Variants in CACNA1D observed in about 807,000 individuals in gnomAD.
CACNA1D encodes voltage-dependent L-type calcium channel subunit alpha-1D.
Under a neutral mutation model 257.1 loss-of-function variants are expected in CACNA1D, and 55 were observed. The observed-to-expected ratio is 0.21, with a 90% confidence interval of 0.17 to 0.27. CACNA1D has a LOEUF of 0.27. CACNA1D is among the 10% of genes least tolerant of loss of function. The pLI is 1.00. For synonymous variants in CACNA1D, 980 were observed against 1,014.9 expected (o/e 0.97, Z 0.65); for missense variants, 1,876 against 2,784.0 (o/e 0.67, Z 7.34).
chr3:53,670,586 C>G (rs2094313122), intron 7 of CACNA1D, among the ~76,000 whole-genome samples: 2 of 152,184 alleles, frequency 1.3e-5, no homozygotes, highest in South Asian at 4.1e-4. Flanking sequence ...TCAGGGTGAT[C>G]CACCTGCCTT....
chr3:53,713,565 A>G (rs1203376621), intron 9 of CACNA1D, among the ~76,000 whole-genome samples: 7 of 150,582 alleles, frequency 4.6e-5, no homozygotes, highest in Non-Finnish European at 1.0e-4. Flanking sequence ...CTCCAAATTC[A>G]CAAGCCTGAC....
In CACNA1D at chr3:53,682,374, A is replaced by C. The variant is rs1021537404; in HGVS notation, c.1220+9248A>C. ...GAGGCTTTGTCTCTGGTAAAAAAAA[A>C]AAAAAAAAAAAAAAAAAAAAAACAG... On this transcript the variant is annotated intron_variant, in intron 8 of 47. Coordinates refer to ENST00000350061, the MANE Select transcript of CACNA1D (RefSeq NM_001128840.3). Among the ~76,000 whole-genome samples the C allele has an allele frequency of 3.1e-4, 28 of 89,364 alleles. 1 individual carries two copies. The highest frequency in any genetic ancestry group is 1.1e-3 in the African/African-American group (27 of 25,382). The allele number at this position is 89,364 out of a possible 152,430, so 58.6% of individuals were successfully genotyped here.
intron 9 of CACNA1D, among the ~76,000 whole-genome samples, chr3:53,710,805 C>A (rs1245188614): frequency 6.6e-6 from 1 of 152,094 alleles, no homozygotes; most frequent in South Asian, 2.1e-4. Flanking sequence ...AAATTTAAAC[C>A]GTTTAGAAAT....
At chr3:53,721,098 G>T (rs191123805) in intron 11 of CACNA1D, among the ~76,000 whole-genome samples, 1 of 152,228 alleles carries the variant, frequency 6.6e-6, no homozygotes, top group African/African-American at 2.4e-5. Flanking sequence ...CATCCTAGGA[G>T]AAACCCAGCT....
At chr3:53,646,966 G>A (rs1032510691) in intron 3 of CACNA1D, among the ~76,000 whole-genome samples, 1 of 152,200 alleles carries the variant, frequency 6.6e-6, no homozygotes, top group African/African-American at 2.4e-5. Context: ...ATTCTGTACA[G>A]CATTAACTGG....
chr3:53,559,048 G>A (rs2092693381), intron 3 of CACNA1D, among the ~76,000 whole-genome samples: 1 of 151,762 alleles, frequency 6.6e-6, no homozygotes, highest in Admixed American at 6.6e-5. Flanking sequence ...CTGAGCCTCT[G>A]CTTATTTTTA....
chr3:53,565,071 C>G (rs1248077938), intron 3 of CACNA1D, among the ~76,000 whole-genome samples: 1 of 152,160 alleles, frequency 6.6e-6, no homozygotes, highest in East Asian at 1.9e-4. Context: ...TACTTAAAGT[C>G]TAACCCTTTC....
chr3:53,691,164 G>T (rs1460117), intron 8 of CACNA1D, among the ~76,000 whole-genome samples: 9,888 of 125,928 alleles, frequency 0.079, 973 homozygotes, highest in African/African-American at 0.24. Flanking sequence ...TTTTTTTTTG[G>T]GGGGGAGATG....
rs1044329356 is a variant in CACNA1D, at chr3:53,811,553, A to G, written c.*147A>G. The stretch of plus-strand genomic sequence containing the variant: ...TTTGTATAAGAGATGTCATGCCTCA[A>G]GAAAGCCATAAACCTGGTAGGAACA... On this transcript the variant is annotated 3_prime_UTR_variant, in exon 48 of 48. Transcript: ENST00000350061. This position sits in a 1 kb window ranked among gnomAD's most constrained non-coding sequence, Gnocchi z 4.2. 2.9e-6 allele frequency: 2 copies of G among 679,604 alleles called. No individual in the cohort carries two copies. Among genetic ancestry groups the G allele is most frequent in the African/African-American group, 3.6e-5 (2 of 55,342 alleles). 42.1% of individuals were successfully genotyped at this position (679,604 alleles called of 1,614,324 possible).
chr3:53,551,586 G>A (rs1349562084), intron 3 of CACNA1D, among the ~76,000 whole-genome samples: 5 of 152,202 alleles, frequency 3.3e-5, no homozygotes, highest in African/African-American at 1.2e-4. Flanking sequence ...CTACCGTGGT[G>A]GATGCTGGGA....
At chr3:53,675,929 A>G (rs1237727782) in intron 8 of CACNA1D, among the ~76,000 whole-genome samples, 4 of 152,126 alleles carry the variant, frequency 2.6e-5, no homozygotes, top group African/African-American at 9.7e-5. Flanking sequence ...CTACTCCCCC[A>G]GAAGGCCTCC....
chr3:53,615,436 C>A (rs1002360222), intron 3 of CACNA1D, among the ~76,000 whole-genome samples: 1 of 152,206 alleles, frequency 6.6e-6, no homozygotes, highest in Non-Finnish European at 1.5e-5. Flanking sequence ...TTAACCCACC[C>A]TTTCCTGCCT....
chr3:53,715,484 C>T (rs1281655051), intron 9 of CACNA1D, among the ~76,000 whole-genome samples: 1 of 151,912 alleles, frequency 6.6e-6, no homozygotes, highest in East Asian at 1.9e-4. Flanking sequence ...TGAAAGTGGC[C>T]AGGGCAAAAT....
rs772442206 is a variant in CACNA1D, at chr3:53,735,456, G to A, written c.2704G>A (p.Ala902Thr). The A allele has an allele frequency of 1.2e-6, 2 of 1,613,846 alleles. No individual in the cohort carries two copies. ...ILVFIMLSSA[A>T]LAAEDPIRSH... ...TGTCTTCATCATGCTGAGCAGCGCT[G>A]CCCTGGCCGCAGAGGACCCCATCCG... The change falls in exon 20 of 48, where the codon GCC becomes ACC. Residue 902 changes from alanine to threonine, a missense_variant. Ala to Thr is a moderately conservative substitution (Grantham distance 58, BLOSUM62 0). Transcript: ENST00000350061.
chr3:53,783,938 G>A (rs1431269837), intron 39 of CACNA1D, among the ~76,000 whole-genome samples: 1 of 152,240 alleles, frequency 6.6e-6, no homozygotes, highest in Non-Finnish European at 1.5e-5. Flanking sequence ...CACTCCAAGT[G>A]GCTGGGACTG....
At chr3:53,589,463 T>C (rs911987728) in intron 3 of CACNA1D, among the ~76,000 whole-genome samples, 1 of 152,146 alleles carries the variant, frequency 6.6e-6, no homozygotes, top group Non-Finnish European at 1.5e-5. Flanking sequence ...GAGGCAGGAC[T>C]GAGTGTATGA....
rs538290932 is a variant in CACNA1D at position 53,530,746 on chromosome 3, C to T, written c.483+29026C>T. On this transcript the variant is annotated intron_variant, in intron 3 of 47. Transcript: ENST00000350061. ...CCTCCTGTAACAGTCTCATTTGTTT[C>T]GCTGGAGTATCCTTATCGAAAAGGT... 7.9e-5 allele frequency among the ~76,000 whole-genome samples: 12 copies of T among 152,266 alleles called. No individual in the cohort carries two copies. In the East Asian group the frequency reaches 1.5e-3, roughly 20 times the overall value.
rs192486878 is a variant in CACNA1D, at chr3:53,747,659, C to T, written c.3314+211C>T. ...TTGTGAAGCAGGGTTGGTAGAGGTGCCTGGCAGCATCTCTGGGTGGAAGCA... is the reference window on the plus strand; with the variant it reads ...TTGTGAAGCAGGGTTGGTAGAGGTGTCTGGCAGCATCTCTGGGTGGAAGCA... On this transcript the variant is annotated intron_variant, in intron 26 of 47. Transcript: ENST00000350061. 2.3e-3 allele frequency among the ~76,000 whole-genome samples: 347 copies of T among 152,294 alleles called. 1 individual carries two copies. The highest frequency in any genetic ancestry group is 3.8e-3 in the Non-Finnish European group (256 of 68,012).
intron 5 of CACNA1D, 31 bp downstream of exon 5, chr3:53,660,306 G>C (rs767735989): frequency 2.1e-5 from 34 of 1,611,830 alleles, no homozygotes; most frequent in Non-Finnish European, 1.8e-5. Context: ...AGAGTCAGGA[G>C]TGTGCTGGTT....
Sources: gnomAD v4.1 joint callset for allele counts (sites outside exome capture counted in the v4.1 genomes callset) on GRCh38, gnomAD v4.1.1 for gene constraint, Gnocchi (gnomAD v3.1) non-coding constraint, MANE v1.5 for transcripts, NCBI Gene and HGNC (gene_info 2026-07-23, HGNC 2026-07-21) for gene names.